TULP4: variants seen among roughly 807,000 people sequenced by gnomAD.
TULP4 encodes the protein tubby-related protein 4.
In TULP4, 16 loss-of-function variants were observed where a neutral mutation model predicts 129.0. That is an observed-to-expected ratio of 0.12 (90% CI 0.08 to 0.19). TULP4 has a LOEUF of 0.19. Ranked by LOEUF, TULP4 falls within the 10% of genes least tolerant of loss-of-function variation. The pLI is 1.00. For synonymous variants in TULP4, 998 were observed against 854.0 expected (o/e 1.17, Z -2.94); for missense variants, 1,842 against 2,059.1 (o/e 0.89, Z 2.04).
At chr6:158,416,191 C>T (rs1360731487) in intron 2 of TULP4, among the ~76,000 whole-genome samples, 1 of 152,198 alleles carries the variant, frequency 6.6e-6, no homozygotes, top group Non-Finnish European at 1.5e-5. Context: ...AGATGGTGCC[C>T]ACCCAGATTG....
rs1184468061 is a variant in TULP4 at position 158,453,790 on chromosome 6, GA to G, written c.859+1538del. 2.2e-3 allele frequency among the ~76,000 whole-genome samples: 245 copies of G among 112,872 alleles called. 1 individual carries two copies. The highest frequency in any genetic ancestry group is 5.3e-3 in the African/African-American group (153 of 28,788). The allele number at this position is 112,872 out of a possible 152,430, so 74.0% of individuals were successfully genotyped here. On this transcript the variant is annotated intron_variant, in intron 5 of 13. Transcript: ENST00000367097. ...GATGACAGAGCAGGACTCTGTCTCG[GA>G]AAAAAAAAAAAAAAAGCCAGGTGTG... is the stretch of plus-strand genomic sequence containing the variant.
At chr6:158,289,406 T>A (rs190485098) in intron 1 of TULP4, among the ~76,000 whole-genome samples, 3 of 152,228 alleles carry the variant, frequency 2.0e-5, no homozygotes, top group Admixed American at 2.0e-4. Flanking sequence ...TTTATTTAAT[T>A]TCTGTTTTTA....
At chr6:158,232,807 C>A (rs932045626) in intron 1 of TULP4, among the ~76,000 whole-genome samples, 2 of 152,220 alleles carry the variant, frequency 1.3e-5, no homozygotes, top group African/African-American at 4.8e-5. Context: ...GGACCAGTCT[C>A]CCCAGCCCGC....
intron 1 of TULP4, chr6:158,242,079 G>T: frequency 1.2e-6 from 1 of 806,308 alleles, no homozygotes; most frequent in South Asian, 1.3e-5. Context: ...GTATTTGATT[G>T]TAAAGTTGCA....
intron 6 of TULP4, among the ~76,000 whole-genome samples, chr6:158,474,268 C>CT (rs2128247691): frequency 6.6e-6 from 1 of 152,300 alleles, no homozygotes; most frequent in East Asian, 1.9e-4. Flanking sequence ...GAGAGGGAGG[C>CT]TGGAGAGCCT....
rs747032144 is a variant in TULP4, at chr6:158,252,010, T to C, written n.68+19707T>C. Among the ~76,000 whole-genome samples the C allele has an allele frequency of 8.1e-4, 123 of 152,360 alleles. 1 individual carries two copies. The highest frequency in any genetic ancestry group is 1.6e-3 in the Non-Finnish European group (110 of 68,032). On this transcript the variant is annotated intron_variant and non_coding_transcript_variant, in intron 1 of 1. Coordinates refer to the TULP4 transcript ENST00000620026. The stretch of plus-strand genomic sequence containing the variant: ...CAGGCTGCAGAGAACCCAGAGGGTT[T>C]GGATGGTTGGGACAAAACATGTAGT...
intron 1 of TULP4, among the ~76,000 whole-genome samples, chr6:158,350,542 C>T (rs190512886): frequency 2.4e-4 from 36 of 152,182 alleles, no homozygotes; most frequent in African/African-American, 3.6e-4. Context: ...CCGGTCAACA[C>T]GGCAAAACCC....
intron 1 of TULP4, among the ~76,000 whole-genome samples, chr6:158,356,924 G>T (rs1334412284): frequency 6.6e-6 from 1 of 151,414 alleles, no homozygotes; most frequent in Non-Finnish European, 1.5e-5. Flanking sequence ...ACCACGCAGT[G>T]GTTTTCTGGT....
intron 8 of TULP4, among the ~76,000 whole-genome samples, chr6:158,488,190 T>A (rs930951619): frequency 6.6e-6 from 1 of 151,976 alleles, no homozygotes; most frequent in African/African-American, 2.4e-5. Context: ...GATGAGTGAG[T>A]CAGGAGCTGA....
At chr6:158,499,594 A>G (rs1390557789) in intron 12 of TULP4, among the ~76,000 whole-genome samples, 1 of 152,198 alleles carries the variant, frequency 6.6e-6, no homozygotes, top group Non-Finnish European at 1.5e-5. Flanking sequence ...GTAAAAGGCC[A>G]CCTGAGATTT....
chr6:158,377,106 A>G (rs1418722823), intron 1 of TULP4, among the ~76,000 whole-genome samples: 1 of 152,220 alleles, frequency 6.6e-6, no homozygotes, highest in Non-Finnish European at 1.5e-5. Flanking sequence ...GCTGTGTAAA[A>G]GTAGTTAAAA....
chr6:158,455,836 G>T (rs1439288159), intron 5 of TULP4, among the ~76,000 whole-genome samples: 1 of 152,202 alleles, frequency 6.6e-6, no homozygotes, highest in African/African-American at 2.4e-5. Context: ...CATCAAGTAG[G>T]TGCTGTAAGG....
chr6:158,467,404 C>T (rs572963115), intron 6 of TULP4, among the ~76,000 whole-genome samples: 7 of 151,990 alleles, frequency 4.6e-5, no homozygotes, highest in African/African-American at 1.7e-4. Flanking sequence ...CTCAGCCTCC[C>T]GAGTAGCTGG....
intron 1 of TULP4, among the ~76,000 whole-genome samples, chr6:158,412,804 C>T (rs1583848457): frequency 6.6e-6 from 1 of 152,108 alleles, no homozygotes; most frequent in Admixed American, 6.5e-5. Context: ...TGCGGATGGG[C>T]CCCAGGTCGC....
intron 1 of TULP4, among the ~76,000 whole-genome samples, chr6:158,347,916 AAAG>A (rs1780349644): frequency 6.6e-6 from 1 of 152,182 alleles, no homozygotes; most frequent in Non-Finnish European, 1.5e-5. Flanking sequence ...TGAGAAAAAA[AAAG>A]AATCTGTAAG....
chr6:158,330,681 C>A (rs1430197175), intron 1 of TULP4, among the ~76,000 whole-genome samples: 1 of 152,180 alleles, frequency 6.6e-6, no homozygotes, highest in Admixed American at 6.5e-5. Flanking sequence ...ATTCTCCATA[C>A]TCCACTTTTG....
At chr6:158,262,869 G>T (rs1465028760) in intron 1 of TULP4, among the ~76,000 whole-genome samples, 1 of 87,388 alleles carries the variant, frequency 1.1e-5, no homozygotes, top group Non-Finnish European at 2.9e-5. Context: ...ATGGGTGTTG[G>T]GGTGAAGCAT....
In TULP4 at chr6:158,313,851, C is replaced by G; in HGVS notation, c.-166C>G. 2.7e-6 allele frequency: 2 copies of G among 730,698 alleles called. No homozygotes were observed. Among genetic ancestry groups the G allele is most frequent in the Non-Finnish European group, 4.3e-6 (2 of 464,332 alleles). 45.3% of individuals were successfully genotyped at this position (730,698 alleles called of 1,614,324 possible). The stretch of plus-strand genomic sequence containing the variant: ...TTTTTTCACTATGCATTCGGTGGAT[C>G]TTTATAAAATACTGACCTTCTAATT... On this transcript the variant is annotated 5_prime_UTR_variant, in exon 1 of 14. It adds an upstream start codon to the 5' untranslated region. Coordinates refer to ENST00000367097, the MANE Select transcript of TULP4 (RefSeq NM_020245.5).
At chr6:158,346,816 T>TTGA (rs10635550) in intron 1 of TULP4, among the ~76,000 whole-genome samples, 141,723 of 151,894 alleles carry the variant, frequency 0.93, 66,193 homozygotes, top group Admixed American at 0.95. Flanking sequence ...TCCTCATGAC[T>TTGA]TGATGATGAT....
Sources: gnomAD v4.1 joint callset for allele counts (sites outside exome capture counted in the v4.1 genomes callset) on GRCh38, gnomAD v4.1.1 for gene constraint, MANE v1.5 for transcripts, NCBI Gene and HGNC (gene_info 2026-07-23, HGNC 2026-07-21) for gene names.